Variants in TMEM52B observed in about 807,000 individuals in gnomAD.
TMEM52B encodes transmembrane protein 52B.
TMEM52B carries 11 observed loss-of-function variants against 16.1 expected under a neutral mutation model. The observed-to-expected ratio is 0.68, with a 90% CI of 0.43 to 1.13. The LOEUF is 1.13. TMEM52B is among the 50% of genes most tolerant of loss of function. TMEM52B has a pLI of 0.00. For missense variants in TMEM52B, 243 were observed against 230.4 expected (o/e 1.05, Z -0.35); for synonymous variants, 101 against 93.8 (o/e 1.08, Z -0.45).
At chr12:10,176,357 G>C (rs1444570033), upstream of TMEM52B, among the ~76,000 whole-genome samples, 1 of 152,178 alleles carries the variant, frequency 6.6e-6, no homozygotes, top group Non-Finnish European at 1.5e-5. Flanking sequence ...AAGTCACAAG[G>C]AGGTCATTAA....
At chr12:10,182,263 TACAA>T in intron 1 of TMEM52B, 1 of 985,244 alleles carries the variant, frequency 1.0e-6, no homozygotes, top group Non-Finnish European at 1.2e-6. Context: ...AATTTTCTAC[TACAA>T]ACAAATTAAT....
chr12:10,187,097 C>CA (rs1316840094), intron 4 of TMEM52B, among the ~76,000 whole-genome samples: 1 of 66,390 alleles, frequency 1.5e-5, no homozygotes, highest in East Asian at 3.7e-4. Context: ...CTTTCCATGA[C>CA]GGTTTTTTTT....
At chr12:10,183,439 C>G (rs1948845361) in intron 2 of TMEM52B, among the ~76,000 whole-genome samples, 1 of 151,406 alleles carries the variant, frequency 6.6e-6, no homozygotes, top group South Asian at 2.1e-4. Flanking sequence ...TGTGGGAAAA[C>G]CAAGAGGAGT....
intron 1 of TMEM52B, among the ~76,000 whole-genome samples, chr12:10,181,798 G>T (rs1421981908): frequency 2.0e-5 from 3 of 151,198 alleles, no homozygotes; most frequent in Admixed American, 2.0e-4. Context: ...AGGCGGAGGT[G>T]GGTGGGTCAC....
At position 10,182,647 on chromosome 12, in the gene TMEM52B, C is replaced by A. The variant is rs1290339555; in HGVS notation, c.98+54C>A. The A allele has an allele frequency of 4.7e-6, 7 of 1,499,132 alleles. 1 individual carries two copies. In the African/African-American group the frequency reaches 5.6e-5, roughly 12 times the overall value. 92.9% of individuals were successfully genotyped at this position (1,499,132 alleles called of 1,614,324 possible). A position where few individuals can be genotyped will look rare whatever the true frequency, so the allele number is the denominator to read the frequency against. ...GGAGCAACAGACCAAAACATCACTA[C>A]CCCAAAAGAGAGTCAAGATGTCATT... is the stretch of plus-strand genomic sequence containing the variant. On this transcript the variant is annotated intron_variant, in intron 2 of 4. Coordinates refer to ENST00000543484, the MANE Select transcript of TMEM52B (RefSeq NM_001384896.1).
In TMEM52B at chr12:10,179,427, A is replaced by C. The variant is rs1948796279; in HGVS notation, c.-148A>C. The C allele has an allele frequency of 2.3e-5, 18 of 793,796 alleles. No individual in the cohort carries two copies. The highest frequency in any genetic ancestry group is 2.4e-4 in the Middle Eastern group (1 of 4,232). The allele number at this position is 793,796 out of a possible 1,614,324, so 49.2% of individuals were successfully genotyped here. A position where few individuals can be genotyped will look rare whatever the true frequency, so the allele number is the denominator to read the frequency against. On this transcript the variant is annotated 5_prime_UTR_variant, in exon 1 of 5. Transcript: ENST00000543484. ...CCAGAGCGAGTAGGAGGAGACAGAG[A>C]GAACGAGAGAGAGAAAAGCTGATAA...
intron 1 of TMEM52B, among the ~76,000 whole-genome samples, chr12:10,173,534 C>G (rs1948741105): frequency 8.0e-6 from 1 of 125,272 alleles, no homozygotes; most frequent in East Asian, 2.7e-4. Flanking sequence ...AATCTCAGCA[C>G]TTTGGGAAGC....
At position 10,190,326 on chromosome 12, in the gene TMEM52B, G is replaced by A. The variant is rs1948943995; in HGVS notation, c.*186G>A. The A allele has an allele frequency of 3.8e-6, 3 of 791,436 alleles. No individual in the cohort carries two copies. The highest frequency in any genetic ancestry group is 1.7e-5 in the African/African-American group (1 of 57,364). The allele number at this position is 791,436 out of a possible 1,614,324, so 49.0% of individuals were successfully genotyped here. ...TTCCGATACAGAATGCTCTAATTGG[G>A]AACTCTAATTTTGTATCCAATGGCC... On this transcript the variant is annotated 3_prime_UTR_variant, in exon 5 of 5. Transcript: ENST00000543484.
At chr12:10,172,241 G>C in intron 1 of TMEM52B, 1 of 565,194 alleles carries the variant, frequency 1.8e-6, no homozygotes. Flanking sequence ...ATATTGGGAA[G>C]TTCGCTGACG....
At position 10,189,877 on chromosome 12, in the gene TMEM52B, G is replaced by A. The variant is rs113241696; in HGVS notation, c.308-19G>A. The A allele has an allele frequency of 5.0e-6, 8 of 1,612,378 alleles. No individual in the cohort carries two copies. The highest frequency in any genetic ancestry group is 2.7e-5 in the African/African-American group (2 of 74,826). ...CTGTTTCCCTTAGTTTCTTAGCTCT[G>A]TTCCTTCTTTCTTCACAGCTCTGCA... is the stretch of plus-strand genomic sequence containing the variant. On this transcript the variant is annotated intron_variant, in intron 4 of 4. Coordinates refer to ENST00000543484, the MANE Select transcript of TMEM52B (RefSeq NM_001384896.1).
At chr12:10,171,426 A>G (rs1359116602) in intron 1 of TMEM52B, among the ~76,000 whole-genome samples, 80 of 152,374 alleles carry the variant, frequency 5.3e-4, no homozygotes, top group Admixed American at 5.2e-3. Context: ...TTTTCAAAGC[A>G]GTAGTACACA....
chr12:10,188,788 G>A (rs1031430880), intron 4 of TMEM52B, among the ~76,000 whole-genome samples: 12 of 151,900 alleles, frequency 7.9e-5, no homozygotes, highest in African/African-American at 2.7e-4. Context: ...GGAGGCCGAA[G>A]CGGGTGGATC....
In TMEM52B at chr12:10,190,200, A is replaced by G; in HGVS notation, c.*60A>G. 1 of 1,598,576 alleles carries G rather than the reference A, an allele frequency of 6.3e-7. No individual in the cohort carries two copies. The highest frequency in any genetic ancestry group is 1.1e-5 in the South Asian group (1 of 89,536). ...ATGTCCAGAGTCTGTGGGAAAATGG[A>G]ACACATACTTTTCTAACCCTCAGAA... On this transcript the variant is annotated 3_prime_UTR_variant, in exon 5 of 5. Coordinates refer to ENST00000543484, the MANE Select transcript of TMEM52B (RefSeq NM_001384896.1).
chr12:10,176,309 A>C (rs1948765023), upstream of TMEM52B, among the ~76,000 whole-genome samples: 1 of 151,796 alleles, frequency 6.6e-6, no homozygotes, highest in Admixed American at 6.6e-5. Context: ...TAATCTGGTG[A>C]GAAAAAAAAA....
chr12:10,173,523 T>C (rs1026829905), intron 1 of TMEM52B, among the ~76,000 whole-genome samples: 5 of 144,890 alleles, frequency 3.5e-5, no homozygotes, highest in Admixed American at 2.1e-4. Flanking sequence ...CTCATGCCTG[T>C]AATCTCAGCA....
At chr12:10,175,123 G>A (rs1025313036), upstream of TMEM52B, among the ~76,000 whole-genome samples, 5 of 152,124 alleles carry the variant, frequency 3.3e-5, no homozygotes, top group African/African-American at 1.2e-4. Context: ...ATGATCTTGT[G>A]TAATCCTTCC....
intron 1 of TMEM52B, among the ~76,000 whole-genome samples, chr12:10,173,192 A>T (rs1948737746): frequency 6.6e-6 from 1 of 152,098 alleles, no homozygotes; most frequent in African/African-American, 2.4e-5. Flanking sequence ...ATACTTTTCT[A>T]TTTTCCCTTG....
chr12:10,189,774 G>A, intron 4 of TMEM52B, 122 bp from the exon 5 acceptor site: 1 of 1,370,806 alleles, frequency 7.3e-7, no homozygotes, highest in South Asian at 1.4e-5. Flanking sequence ...GGGGCAAGGA[G>A]TGACAATGAG....
At chr12:10,180,838 C>T (rs1948813907) in intron 1 of TMEM52B, among the ~76,000 whole-genome samples, 1 of 152,088 alleles carries the variant, frequency 6.6e-6, no homozygotes, top group African/African-American at 2.4e-5. Context: ...GGAGTTTTGC[C>T]CTTGTTACCC....
Sources: allele counts gnomAD v4.1 joint callset (sites outside exome capture counted in the v4.1 genomes callset), GRCh38; gene constraint gnomAD v4.1.1; transcripts MANE v1.5; gene names NCBI Gene and HGNC (gene_info 2026-07-23, HGNC 2026-07-21).